The following ADCY2 variants were observed in gnomAD, a reference collection of about 807,000 sequenced individuals.
ADCY2 encodes the protein adenylate cyclase 2.
A neutral mutation model predicts 125.2 loss-of-function variants in ADCY2; 31 were observed. The observed-to-expected ratio is 0.25, with a 90% CI of 0.19 to 0.33. The LOEUF is 0.33. Among genes scored for constraint, ADCY2 ranks in the 10% least tolerant of loss-of-function variants. ADCY2 has a pLI of 1.00. For synonymous variants in ADCY2, 512 were observed against 548.4 expected (o/e 0.93, Z 0.93); for missense variants, 904 against 1,418.2 (o/e 0.64, Z 5.82).
chr5:7,634,498 C>T (rs1039799000), intron 4 of ADCY2, among the ~76,000 whole-genome samples: 1 of 152,022 alleles, frequency 6.6e-6, no homozygotes, highest in Non-Finnish European at 1.5e-5. Flanking sequence ...TGTGACAATT[C>T]CCCCCAAAGA....
intron 4 of ADCY2, among the ~76,000 whole-genome samples, chr5:7,671,210 G>C (rs1739922968): frequency 6.6e-6 from 1 of 152,006 alleles, no homozygotes; most frequent in African/African-American, 2.4e-5. Flanking sequence ...TGATTGATCT[G>C]GTTTTCAATG....
intron 3 of ADCY2, among the ~76,000 whole-genome samples, chr5:7,620,259 G>A (rs969788125): frequency 1.3e-5 from 2 of 152,148 alleles, no homozygotes; most frequent in African/African-American, 4.8e-5. Context: ...ATGACCAACA[G>A]TACTATCTAT....
At chr5:7,472,917 C>T (rs977651410) in intron 2 of ADCY2, among the ~76,000 whole-genome samples, 1 of 152,092 alleles carries the variant, frequency 6.6e-6, no homozygotes, top group African/African-American at 2.4e-5. Context: ...TTTACTCCTG[C>T]CCTTCCTGAG....
Position 7,706,762 on chromosome 5 carries a change from T to C in ADCY2, c.1128T>C (p.Thr376=). The C allele has an allele frequency of 3.1e-6, 5 of 1,614,228 alleles. No homozygotes were observed. The highest frequency in any genetic ancestry group is 4.2e-6 in the Non-Finnish European group (5 of 1,180,028). ...CEAIKKVRDA[T]GVDINMRVGV... is the part of the protein sequence containing the mutation. ...TCTTTAGGAAAGTGAGGGATGCTAC[T>C]GGAGTTGATATCAACATGCGCGTGG... The change falls in exon 8 of 25, where the codon ACT becomes ACC. Residue 376 remains threonine (T), a synonymous_variant. Transcript: ENST00000338316.
At chr5:7,767,794 T>G (rs11749799) in intron 17 of ADCY2, among the ~76,000 whole-genome samples, 26,981 of 151,198 alleles carry the variant, frequency 0.18, 2,947 homozygotes, top group East Asian at 0.62. Context: ...ACTTTGGGAG[T>G]CCGAGGCAGG....
Position 7,601,637 on chromosome 5 carries a change from C to T in ADCY2, c.571-24530C>T, listed in dbSNP as rs182303146. On this transcript the variant is annotated intron_variant, in intron 3 of 24. Transcript: ENST00000338316. The stretch of plus-strand genomic sequence containing the variant: ...AAAATCACTCATTTAATGAATGAGA[C>T]AACCCACACCATTATCCAACACAGA... Among the ~76,000 whole-genome samples, 7 of 152,234 alleles carry T rather than the reference C, an allele frequency of 4.6e-5. No individual in the cohort carries two copies. In the East Asian group the frequency reaches 1.4e-3, roughly 29 times the overall value.
intron 2 of ADCY2, among the ~76,000 whole-genome samples, chr5:7,430,912 A>T (rs1740575224): frequency 6.6e-6 from 1 of 152,170 alleles, no homozygotes; most frequent in African/African-American, 2.4e-5. Context: ...GATTCTGTTC[A>T]TGGATCCAAT....
At chr5:7,764,140 A>G (rs1743314677) in intron 16 of ADCY2, among the ~76,000 whole-genome samples, 1 of 152,242 alleles carries the variant, frequency 6.6e-6, no homozygotes, top group South Asian at 2.1e-4. Context: ...TTTTAACAGG[A>G]TATCTTAAAC....
chr5:7,697,150 T>G (rs1044925467), intron 6 of ADCY2, among the ~76,000 whole-genome samples: 5 of 152,012 alleles, frequency 3.3e-5, no homozygotes, highest in Admixed American at 6.6e-5. Flanking sequence ...CTACCTCCTC[T>G]TAACTAATTA....
chr5:7,799,388 A>C (rs1315385140), intron 20 of ADCY2: 1 of 152,328 alleles, frequency 6.6e-6, no homozygotes, highest in Non-Finnish European at 1.5e-5. Flanking sequence ...CAGGCTCCAG[A>C]GAATTTCAGA....
intron 4 of ADCY2, among the ~76,000 whole-genome samples, chr5:7,646,227 T>A (rs1196550568): frequency 6.6e-6 from 1 of 151,952 alleles, no homozygotes; most frequent in Non-Finnish European, 1.5e-5. Context: ...ACAGCAAGAA[T>A]AACAAAGCCA....
intron 16 of ADCY2, among the ~76,000 whole-genome samples, chr5:7,763,154 C>T (rs1268357603): frequency 1.3e-5 from 2 of 151,734 alleles, no homozygotes; most frequent in East Asian, 1.9e-4. Context: ...AGTGCAGTGG[C>T]GGGATCTCGG....
chr5:7,550,187 T>C (rs990526517), intron 3 of ADCY2, among the ~76,000 whole-genome samples: 3 of 152,220 alleles, frequency 2.0e-5, no homozygotes, highest in Admixed American at 2.0e-4. Context: ...CCAGGAACTT[T>C]TTCACTATTA....
At chr5:7,483,874 G>A (rs532728050) in intron 2 of ADCY2, among the ~76,000 whole-genome samples, 3 of 152,210 alleles carry the variant, frequency 2.0e-5, no homozygotes, top group South Asian at 2.1e-4. Flanking sequence ...TGCAGTTCTC[G>A]CTCTTAAGTA....
intron 2 of ADCY2, among the ~76,000 whole-genome samples, chr5:7,437,031 G>A (rs1740829998): frequency 6.6e-6 from 1 of 152,158 alleles, no homozygotes; most frequent in Non-Finnish European, 1.5e-5. Flanking sequence ...CCAGGATCAG[G>A]CCCAGCTCTG....
chr5:7,699,377 G>A (rs949454222), intron 7 of ADCY2, among the ~76,000 whole-genome samples: 3 of 151,834 alleles, frequency 2.0e-5, no homozygotes, highest in African/African-American at 4.8e-5. Flanking sequence ...GATTACAGGC[G>A]TGAGCCACCG....
chr5:7,673,269 A>AAT lies in ADCY2; in HGVS notation c.721-17406_721-17405dup, dbSNP rs1180249627. Among the ~76,000 whole-genome samples the AAT allele has an allele frequency of 3.1e-3, 12 of 3,932 alleles. 1 individual carries two copies. Among genetic ancestry groups the AAT allele is most frequent in the African/African-American group, 3.8e-3 (6 of 1,574 alleles). 2.6% of individuals were successfully genotyped at this position (3,932 alleles called of 152,430 possible). On this transcript the variant is annotated intron_variant, in intron 4 of 24. Coordinates refer to ENST00000338316, the MANE Select transcript of ADCY2 (RefSeq NM_020546.3). ...AAAAAAAAAAAAAAAAAAAAAAAAA[A>AAT]ATATATATATATATATAAAATTAGC...
At chr5:7,545,528 CG>C (rs1735121324) in intron 3 of ADCY2, among the ~76,000 whole-genome samples, 1 of 152,106 alleles carries the variant, frequency 6.6e-6, no homozygotes, top group Admixed American at 6.5e-5. Context: ...CTGCTCTCGA[CG>C]TGTAGAAGTT....
chr5:7,464,533 C>G (rs1488762610), intron 2 of ADCY2, among the ~76,000 whole-genome samples: 1 of 152,152 alleles, frequency 6.6e-6, no homozygotes, highest in Non-Finnish European at 1.5e-5. Flanking sequence ...CAGTTTGAAG[C>G]CACCTAGATT....
Sources: allele counts gnomAD v4.1 joint callset (sites outside exome capture counted in the v4.1 genomes callset), GRCh38; gene constraint gnomAD v4.1.1; transcripts MANE v1.5; gene names NCBI Gene and HGNC (gene_info 2026-07-23, HGNC 2026-07-21).